GCC2: variants seen among roughly 807,000 people sequenced by gnomAD.
GCC2 encodes GRIP and coiled-coil domain-containing protein 2.
GCC2 carries 120 observed loss-of-function variants against 210.6 expected under a neutral mutation model. That is an observed-to-expected ratio of 0.57 (90% confidence interval 0.49 to 0.66). The LOEUF is 0.66. Ranked by LOEUF, GCC2 falls within the 30% of genes least tolerant of loss-of-function variation. The probability of loss-of-function intolerance (pLI) is 0.00; values close to 1 mark genes in which losing one functional copy is unlikely to be tolerated. For synonymous variants in GCC2, 703 were observed against 652.7 expected, an observed-to-expected ratio of 1.08 and a Z score of -1.17; for missense variants, 1,868 against 1,871.9, an observed-to-expected ratio of 1.00 and a Z score of 0.04.
At chr2:108,506,489 G>A (rs1006367634) in intron 22 of GCC2, among the ~76,000 whole-genome samples, 53 of 152,286 alleles carry the variant, frequency 3.5e-4, no homozygotes, top group Admixed American at 7.2e-4. Flanking sequence ...CTTTGAGGAG[G>A]TGAAAATGTG....
intron 4 of GCC2, among the ~76,000 whole-genome samples, chr2:108,463,723 G>T (rs1464746859): frequency 6.6e-6 from 1 of 152,154 alleles, no homozygotes; most frequent in African/African-American, 2.4e-5. Flanking sequence ...CCAGGCTGTT[G>T]GGTGGGTTCT....
intron 9 of GCC2, among the ~76,000 whole-genome samples, chr2:108,481,056 CTG>C (rs940282873): frequency 4.6e-5 from 7 of 152,174 alleles, no homozygotes; most frequent in African/African-American, 1.4e-4. Context: ...AGTCTCGAAA[CTG>C]AATCTCATTT....
At position 108,495,183 on chromosome 2, in the gene GCC2, T is replaced by C. The variant is rs181933176; in HGVS notation, c.4448-108T>C. The stretch of plus-strand genomic sequence containing the variant: ...TTCACTTATCTTATAGTTACTTAAT[T>C]CCTCTACTCTTATCATTTGATATTT... On this transcript the variant is annotated intron_variant, in intron 19 of 22. Transcript: ENST00000309863. 6.9e-4 allele frequency: 414 copies of C among 599,924 alleles called. 10 individuals are homozygous for C. In the East Asian group the frequency reaches 0.012, roughly 17 times the overall value. 37.2% of individuals were successfully genotyped at this position (599,924 alleles called of 1,614,324 possible). A position where few individuals can be genotyped will look rare whatever the true frequency, so the allele number is the denominator to read the frequency against.
At chr2:108,495,515 T>G in intron 20 of GCC2, 30 bp downstream of exon 20, 1 of 1,434,620 alleles carries the variant, frequency 7.0e-7, no homozygotes, top group Non-Finnish European at 9.5e-7. Context: ...TATGTTTTTC[T>G]TATTTAATTT....
At chr2:108,450,167 A>G (rs1679852519) in intron 2 of GCC2, 2 of 153,308 alleles carry the variant, frequency 1.3e-5, no homozygotes, top group Admixed American at 6.5e-5. Flanking sequence ...TTGCCTAACC[A>G]CTCAGTTCCT....
intron 17 of GCC2, among the ~76,000 whole-genome samples, chr2:108,489,193 C>G (rs1167408874): frequency 1.3e-5 from 2 of 152,230 alleles, no homozygotes; most frequent in African/African-American, 4.8e-5. Flanking sequence ...CTTGGTCTGA[C>G]ATACCATTCT....
intron 22 of GCC2, among the ~76,000 whole-genome samples, chr2:108,503,175 A>AG (rs35118889): frequency 0.37 from 55,918 of 150,760 alleles, 11,992 homozygotes; most frequent in East Asian, 0.89. Flanking sequence ...ATTAAAAAAA[A>AG]AAGAAGAAAT....
Position 108,469,879 on chromosome 2 carries a change from CAAG to C in GCC2, c.555_557del (p.Glu186del), listed in dbSNP as rs1681094664. On this transcript the variant is annotated inframe_deletion, in exon 6 of 23. Transcript: ENST00000309863. The stretch of plus-strand genomic sequence containing the variant: ...CTCTGAAGATAATGTTAAAAAACTA[CAAG>C]AAGAGATTGAGAAAATTAGGCCAGG... The C allele has an allele frequency of 1.9e-6, 3 of 1,612,784 alleles. No individual in the cohort carries two copies. The East Asian group carries it at 6.7e-5, about 36-fold the overall frequency.
rs760256265 is a variant in GCC2 at position 108,489,907 on chromosome 2, T to A, written c.4122T>A (p.Ile1374=). Residue 1374 remains isoleucine, a synonymous_variant, in exon 18 of 23, where the codon ATT becomes ATA. Coordinates refer to ENST00000309863, the MANE Select transcript of GCC2 (RefSeq NM_181453.4). ...KLQDSQNNLQ[I]NVSELQTLQS... is the part of the protein sequence containing the mutation. ...AAGATAGCCAAAATAACTTACAGAT[T>A]AATGTATCTGAACTTCAAACATTGC... is the stretch of plus-strand genomic sequence containing the variant. 2 of 1,610,474 alleles carry A rather than the reference T, an allele frequency of 1.2e-6. No homozygotes were observed. The highest frequency in any genetic ancestry group is 1.7e-6 in the Non-Finnish European group (2 of 1,177,706).
intron 13 of GCC2, 131 bp from the exon 14 acceptor site, chr2:108,485,505 T>G: frequency 1.8e-6 from 1 of 563,242 alleles, no homozygotes. Context: ...CACATATGTT[T>G]GAAGTATTCC....
intron 3 of GCC2, among the ~76,000 whole-genome samples, chr2:108,451,616 T>TA (rs1483994123): frequency 6.7e-6 from 1 of 150,334 alleles, no homozygotes; most frequent in African/African-American, 2.4e-5. Flanking sequence ...CTTTTTTTTT[T>TA]AGTATATGTA....
intron 17 of GCC2, among the ~76,000 whole-genome samples, chr2:108,488,056 C>T (rs563956463): frequency 4.6e-5 from 7 of 151,892 alleles, no homozygotes; most frequent in Non-Finnish European, 1.0e-4. Flanking sequence ...CAGGCGTGTA[C>T]CATCATACCC....
Position 108,482,352 on chromosome 2 carries a change from C to G in GCC2, c.3246C>G (p.Ala1082=). The change falls in exon 11 of 23, where the codon GCC becomes GCG. Residue 1082 remains alanine, a synonymous_variant. Coordinates refer to ENST00000309863, the MANE Select transcript of GCC2 (RefSeq NM_181453.4). ...GTATTGAGACATTACAGTCTAATGC[C>G]AAATTATTAGAAGTACAGATTTTAG... ...LARIETLQSN[A]KLLEVQILEV... is the part of the protein sequence containing the mutation. The G allele has an allele frequency of 1.3e-6, 2 of 1,575,958 alleles. No homozygotes were observed. The highest frequency in any genetic ancestry group is 1.7e-6 in the Non-Finnish European group (2 of 1,146,154).
At chr2:108,502,338 A>G (rs1039898363) in intron 22 of GCC2, among the ~76,000 whole-genome samples, 12 of 152,178 alleles carry the variant, frequency 7.9e-5, no homozygotes, top group African/African-American at 2.4e-4. Flanking sequence ...GGTGGCTCCT[A>G]TAAGTTAAGG....
intron 22 of GCC2, among the ~76,000 whole-genome samples, chr2:108,502,214 T>TA (rs1558763155): frequency 6.6e-6 from 1 of 152,176 alleles, no homozygotes; most frequent in African/African-American, 2.4e-5. Flanking sequence ...ATTTTAAAAT[T>TA]AAAGTTTTCA....
rs549959278 is a variant in GCC2, at chr2:108,485,400, T to G, written c.3614-236T>G. Among the ~76,000 whole-genome samples the G allele has an allele frequency of 2.6e-5, 4 of 152,308 alleles. No individual in the cohort carries two copies. The East Asian group carries it at 7.7e-4, about 29-fold the overall frequency. On this transcript the variant is annotated intron_variant, in intron 13 of 22. Transcript: ENST00000309863. The stretch of plus-strand genomic sequence containing the variant: ...AACATTTCTTAAGTACCTTGCTGTT[T>G]CCTGGTCTGGGTTAACTAAGATTGT...
intron 11 of GCC2, 107 bp downstream of exon 11, chr2:108,482,558 G>C: frequency 1.7e-6 from 1 of 587,446 alleles, no homozygotes; most frequent in Non-Finnish European, 3.0e-6. Flanking sequence ...GAATACAGCA[G>C]AGTTCATTAA....
At position 108,486,607 on chromosome 2, in the gene GCC2, CAG is replaced by C; in HGVS notation, c.3894_3895del (p.Arg1298SerfsTer21). ...CCAGCGTACGCTAAGTGCATACCAG[CAG>C]AGAGTGACAGCACTACAGGAAGAGT... ...QHQRTLSAYQ[Q>X]RVTALQEECR... On this transcript the variant is annotated frameshift_variant, in exon 16 of 23. Transcript: ENST00000309863. LOFTEE classifies it high-confidence loss of function. The C allele has an allele frequency of 6.2e-7, 1 of 1,613,904 alleles. No homozygotes were observed.
At position 108,449,256 on chromosome 2, in the gene GCC2, C is replaced by G. The variant is rs920494835; in HGVS notation, c.-19C>G. 5 of 1,548,812 alleles carry G rather than the reference C, an allele frequency of 3.2e-6. No individual in the cohort carries two copies. The highest frequency in any genetic ancestry group is 1.4e-5 in the African/African-American group (1 of 73,004). ...GCGGTGGCGGCGGCTGGTTGCGGGC[C>G]GGCGGCGGGCTGGCGGAGATGGAGG... On this transcript the variant is annotated 5_prime_UTR_variant, in exon 1 of 23. Transcript: ENST00000309863.
Sources: gnomAD v4.1 joint callset for allele counts (sites outside exome capture counted in the v4.1 genomes callset) on GRCh38, gnomAD v4.1.1 for gene constraint, MANE v1.5 for transcripts, NCBI Gene and HGNC (gene_info 2026-07-23, HGNC 2026-07-21) for gene names.